Variants in AKNAD1 observed in about 807,000 individuals in gnomAD.
AKNAD1 encodes protein AKNAD1.
Under a neutral mutation model 90.8 loss-of-function variants are expected in AKNAD1, and 67 were observed. That is an observed-to-expected ratio of 0.74 (90% CI 0.61 to 0.90). AKNAD1 has a LOEUF of 0.90. Among genes scored for constraint, AKNAD1 ranks in the 40% least tolerant of loss-of-function variants. The probability of loss-of-function intolerance (pLI) is 0.00; values close to 1 mark genes in which losing one functional copy is unlikely to be tolerated. For missense variants in AKNAD1, 957 were observed against 975.4 expected, an observed-to-expected ratio of 0.98 and a Z score of 0.25; for synonymous variants, 327 against 341.4, an observed-to-expected ratio of 0.96 and a Z score of 0.46.
intron 5 of AKNAD1, among the ~76,000 whole-genome samples, chr1:108,844,850 G>A (rs535146767): frequency 1.8e-4 from 26 of 148,234 alleles, no homozygotes; most frequent in Non-Finnish European, 1.0e-4. Context: ...ACAGTCACTC[G>A]CTCTGTCACC....
intron 9 of AKNAD1, among the ~76,000 whole-genome samples, chr1:108,834,010 G>A (rs1000238220): frequency 3.3e-5 from 5 of 151,884 alleles, no homozygotes; most frequent in Non-Finnish European, 5.9e-5. Context: ...TTAAGACCCC[G>A]GGGTTGGTAA....
At chr1:108,850,731 G>A (rs535536266) in intron 2 of AKNAD1, among the ~76,000 whole-genome samples, 1 of 152,308 alleles carries the variant, frequency 6.6e-6, no homozygotes. Context: ...TTCAGTCCAG[G>A]ACACCTTCAT....
At chr1:108,857,326 T>A (rs1665078647), upstream of AKNAD1, 1 of 153,000 alleles carries the variant, frequency 6.5e-6, no homozygotes, top group South Asian at 2.1e-4. Flanking sequence ...AAGTCTAAAT[T>A]TGATGCTGAA....
At chr1:108,824,708 T>C (rs898768659) in intron 11 of AKNAD1, among the ~76,000 whole-genome samples, 8 of 151,566 alleles carry the variant, frequency 5.3e-5, no homozygotes, top group Admixed American at 3.3e-4. Flanking sequence ...TGTGTTTTTT[T>C]TGTTTTGTTT....
At chr1:108,820,336 T>C (rs369557487) in intron 14 of AKNAD1, among the ~76,000 whole-genome samples, 2 of 152,320 alleles carry the variant, frequency 1.3e-5, no homozygotes, top group African/African-American at 4.8e-5. Context: ...GCTGACTTTG[T>C]CCTGTGTTCT....
Position 108,816,113 on chromosome 1 carries a change from G to T in AKNAD1, c.*58C>A. 1 of 1,488,366 alleles carries T rather than the reference G, an allele frequency of 6.7e-7. No homozygotes were observed. Among genetic ancestry groups the T allele is most frequent in the Non-Finnish European group, 8.9e-7 (1 of 1,121,582 alleles). The allele number at this position is 1,488,366 out of a possible 1,614,324, so 92.2% of individuals were successfully genotyped here. On this transcript the variant is annotated 3_prime_UTR_variant, in exon 16 of 16. Coordinates refer to ENST00000370001, the MANE Select transcript of AKNAD1 (RefSeq NM_152763.5). ...GTAGTAAGTAAAATACATTTTGGGG[G>T]AAGATCAAGTTTTCTTTGCATTTTT...
At chr1:108,853,398 T>G (rs1316085041) in intron 1 of AKNAD1, among the ~76,000 whole-genome samples, 37 of 151,838 alleles carry the variant, frequency 2.4e-4, no homozygotes, top group Non-Finnish European at 2.9e-5. Context: ...CCCAAAGTGC[T>G]GGGATTACAG....
At chr1:108,852,812 A>C in intron 1 of AKNAD1, 45 bp from the exon 2 acceptor site, 1 of 670,030 alleles carries the variant, frequency 1.5e-6, no homozygotes, top group Non-Finnish European at 2.3e-6. Context: ...TATTGGAATA[A>C]TGTATACAAC....
At chr1:108,847,031 C>T (rs961017163) in intron 5 of AKNAD1, among the ~76,000 whole-genome samples, 3 of 152,144 alleles carry the variant, frequency 2.0e-5, no homozygotes, top group Admixed American at 6.5e-5. Context: ...TTGTCCCCAT[C>T]TCCAGCCTCA....
In AKNAD1 at chr1:108,851,343, A is replaced by G. The variant is rs1638988627; in HGVS notation, c.993+329T>C. ...TGCCACGCAAGGCAGGAACTCAGAG[A>G]GCTCAGGGCCTGGGAAGAGGTTCTG... On this transcript the variant is annotated intron_variant, in intron 2 of 15. Coordinates refer to ENST00000370001, the MANE Select transcript of AKNAD1 (RefSeq NM_152763.5). Among the ~76,000 whole-genome samples, 4 of 152,200 alleles carry G rather than the reference A, an allele frequency of 2.6e-5. No homozygotes were observed. In the South Asian group the frequency reaches 6.2e-4, roughly 24 times the overall value.
In AKNAD1 at chr1:108,834,489, G is replaced by T; in HGVS notation, c.1704C>A (p.Asn568Lys). ...GCCTCATGGCCACTTGGTCTGGCTT[G>T]TTCTGGGCAGCTGCATCTCCATAAT... ...NGHYGDAAAQ[N>K]KPDQVAMRLS... The change falls in exon 9 of 16, where the codon AAC (asparagine) becomes AAA (lysine). Residue 568 changes from asparagine (N) to lysine (K), a missense_variant. Coordinates refer to ENST00000370001, the MANE Select transcript of AKNAD1 (RefSeq NM_152763.5). The T allele has an allele frequency of 6.2e-7, 1 of 1,610,470 alleles. No individual in the cohort carries two copies. The highest frequency in any genetic ancestry group is 8.5e-7 in the Non-Finnish European group (1 of 1,178,852).
At chr1:108,847,646 C>T (rs375288065) in intron 5 of AKNAD1, among the ~76,000 whole-genome samples, 3 of 152,044 alleles carry the variant, frequency 2.0e-5, no homozygotes, top group African/African-American at 7.2e-5. Flanking sequence ...TTCCTCACCC[C>T]TGTGCCATTG....
In AKNAD1 at chr1:108,852,593, A is replaced by G. The variant is rs750122975; in HGVS notation, c.72T>C (p.Ser24=). The stretch of plus-strand genomic sequence containing the variant: ...TGTAATCATTGCCTATCTTAATCTG[A>G]GAGAGGTCCCCATCATAAGGCAAAT... ...QEDLPYDGDL[S]QIKIGNDYSF... is the part of the protein sequence containing the mutation. The change falls in exon 2 of 16, where the codon TCT becomes TCC. Residue 24 remains serine, a synonymous_variant. Transcript: ENST00000370001. 1.9e-6 allele frequency: 3 copies of G among 1,611,868 alleles called. No homozygotes were observed. The highest frequency in any genetic ancestry group is 1.7e-6 in the Non-Finnish European group (2 of 1,179,288).
chr1:108,848,802 A>C lies in AKNAD1; in HGVS notation c.1195T>G (p.Ser399Ala). ...DQLKTKVQEF[S>A]KRIKQDSPYH... The stretch of plus-strand genomic sequence containing the variant: ...GGAGAGTCCTGTTTTATTCTTTTGG[A>C]AAATTCTTGTACCTGCAGTGAAAAA... The change falls in exon 5 of 16, where the codon TCC becomes GCC. Residue 399 changes from serine to alanine, a missense_variant. Coordinates refer to ENST00000370001, the MANE Select transcript of AKNAD1 (RefSeq NM_152763.5). 2 of 1,610,616 alleles carry C rather than the reference A, an allele frequency of 1.2e-6. No individual in the cohort carries two copies. The highest frequency in any genetic ancestry group is 2.2e-5 in the South Asian group (2 of 89,614).
chr1:108,818,981 A>G (rs1663724387), intron 14 of AKNAD1, among the ~76,000 whole-genome samples: 2 of 150,790 alleles, frequency 1.3e-5, no homozygotes. Context: ...AAAAAAAAAA[A>G]CCAAGAAGTC....
chr1:108,823,412 C>G lies in AKNAD1; in HGVS notation c.2125G>C (p.Val709Leu). The change falls in exon 13 of 16, where the codon GTC becomes CTC. Residue 709 changes from valine (V) to leucine (L), a missense_variant. Transcript: ENST00000370001. ...YSNHSKRGAF[V>L]QPHSLDESKN... The stretch of plus-strand genomic sequence containing the variant: ...CTTTCATCTAAAGAATGGGGCTGGA[C>G]AAAGGCACCTCTTTTGCTATGATTT... 1 of 1,614,156 alleles carries G rather than the reference C, an allele frequency of 6.2e-7. No individual in the cohort carries two copies. Among genetic ancestry groups the G allele is most frequent in the Non-Finnish European group, 8.5e-7 (1 of 1,180,020 alleles).
chr1:108,823,755 G>GA, intron 11 of AKNAD1, 67 bp from the exon 12 acceptor site: 1 of 1,608,040 alleles, frequency 6.2e-7, no homozygotes, highest in East Asian at 2.2e-5. Context: ...ATACGGTGTG[G>GA]AGAGCAGAGC....
chr1:108,842,750 AGAG>A (rs1441262840), intron 6 of AKNAD1, among the ~76,000 whole-genome samples: 3 of 152,116 alleles, frequency 2.0e-5, no homozygotes, highest in Non-Finnish European at 4.4e-5. Context: ...GCTGAGAGGG[AGAG>A]GAGAGGAGGA....
At chr1:108,819,997 A>G (rs959823296) in intron 14 of AKNAD1, among the ~76,000 whole-genome samples, 1 of 151,580 alleles carries the variant, frequency 6.6e-6, no homozygotes, top group Non-Finnish European at 1.5e-5. Context: ...GGAGCTGACA[A>G]GTCTCTGTAC....
Sources: allele counts gnomAD v4.1 joint callset (sites outside exome capture counted in the v4.1 genomes callset), GRCh38; gene constraint gnomAD v4.1.1; transcripts MANE v1.5; gene names NCBI Gene and HGNC (gene_info 2026-07-23, HGNC 2026-07-21).